The following CEP85 variants were observed in gnomAD, a reference collection of about 807,000 sequenced individuals.
The protein encoded by CEP85 is centrosomal protein 85.
In CEP85, 58 loss-of-function variants were observed where a neutral mutation model predicts 93.7. The observed-to-expected ratio is 0.62, with a 90% CI of 0.50 to 0.77. The LOEUF (loss-of-function observed/expected upper bound fraction) is 0.77. Ranked by LOEUF, CEP85 falls within the 30% of genes least tolerant of loss-of-function variation. CEP85 has a pLI of 0.00. For synonymous variants in CEP85, 314 were observed against 338.6 expected, an observed-to-expected ratio of 0.93 and a Z score of 0.80; for missense variants, 868 against 922.0, an observed-to-expected ratio of 0.94 and a Z score of 0.76.
chr1:26,255,608 A>G lies in CEP85; in HGVS notation c.646A>G (p.Lys216Glu), dbSNP rs779326361. ...RFHNPRTSTS[K>E]ELYRVLPEAK... ...CCACAACCCAAGAACCAGCACAAGT[A>G]AGGAGTTGTACAGAGTGTTGCCTGA... The change falls in exon 4 of 14, where the codon AAG (lysine) becomes GAG (glutamate). Residue 216 changes from lysine to glutamate, a missense_variant. Physicochemically the swap from Lys to Glu is moderately conservative, Grantham distance 56. Coordinates refer to ENST00000451429, the MANE Select transcript of CEP85 (RefSeq NM_001319944.2). The G allele has an allele frequency of 4.3e-6, 7 of 1,613,970 alleles. No homozygotes were observed. In the East Asian group the frequency reaches 1.3e-4, roughly 31 times the overall value.
intron 3 of CEP85, among the ~76,000 whole-genome samples, chr1:26,251,443 G>A (rs1441538807): frequency 1.3e-5 from 2 of 151,710 alleles, no homozygotes; most frequent in African/African-American, 2.4e-5. Flanking sequence ...TGGAGACAGG[G>A]TTTCTCCACG....
At chr1:26,274,831 G>C (rs1421313457) in intron 11 of CEP85, 133 bp from the exon 12 acceptor site, 3 of 678,946 alleles carry the variant, frequency 4.4e-6, no homozygotes, top group African/African-American at 3.6e-5. Flanking sequence ...AATCAGGACT[G>C]TTCTAAAATG....
At chr1:26,244,073 A>G (rs963000623) in intron 2 of CEP85, 93 bp from the exon 3 acceptor site, 2 of 1,136,900 alleles carry the variant, frequency 1.8e-6, no homozygotes, top group Non-Finnish European at 2.5e-6. Flanking sequence ...GGTTGCTGCT[A>G]TTCTCTTAGG....
rs575636171 is a variant in CEP85 at position 26,268,375 on chromosome 1, T to C, written c.1342-108T>C. ...CCAGGGGCTGAGGTAGGAGGATCAC[T>C]TGAGCCTGGGAGGTGGAGGCTGCAG... On this transcript the variant is annotated intron_variant, in intron 7 of 13. Transcript: ENST00000451429. The C allele has an allele frequency of 1.1e-5, 14 of 1,276,968 alleles. No individual in the cohort carries two copies. In the East Asian group the frequency reaches 2.4e-4, roughly 22 times the overall value. The allele number at this position is 1,276,968 out of a possible 1,614,324, so 79.1% of individuals were successfully genotyped here. A position where few individuals can be genotyped will look rare whatever the true frequency, so the allele number is the denominator to read the frequency against.
intron 7 of CEP85, among the ~76,000 whole-genome samples, chr1:26,264,621 G>A (rs2089864998): frequency 6.6e-6 from 1 of 152,154 alleles, no homozygotes; most frequent in African/African-American, 2.4e-5. Context: ...TGTAGTATCA[G>A]ACTTAGACTA....
intron 2 of CEP85, among the ~76,000 whole-genome samples, 175 bp from the exon 3 acceptor site, chr1:26,243,991 C>CAAAAAA (rs58751883): frequency 3.7e-5 from 4 of 108,322 alleles, no homozygotes; most frequent in African/African-American, 1.2e-4. Context: ...GACTCCGTCT[C>CAAAAAA]AAAAAAAAAA....
At chr1:26,253,449 G>A (rs910942565) in intron 3 of CEP85, among the ~76,000 whole-genome samples, 2 of 148,266 alleles carry the variant, frequency 1.3e-5, no homozygotes, top group Non-Finnish European at 3.0e-5. Flanking sequence ...GAGTGCAGTA[G>A]TGCGATCCTG....
chr1:26,263,309 C>A, intron 7 of CEP85: 1 of 334,866 alleles, frequency 3.0e-6, no homozygotes, highest in South Asian at 2.9e-5. Flanking sequence ...CTCCTCTGTT[C>A]ATCAGGGCTT....
intron 1 of CEP85, among the ~76,000 whole-genome samples, chr1:26,235,899 A>T (rs1018444884): frequency 9.9e-5 from 15 of 152,188 alleles, no homozygotes; most frequent in African/African-American, 3.4e-4. Flanking sequence ...CTTATAGGGG[A>T]AAAATACTTA....
At chr1:26,267,657 T>C (rs2089912496) in intron 7 of CEP85, among the ~76,000 whole-genome samples, 1 of 152,202 alleles carries the variant, frequency 6.6e-6, no homozygotes, top group Non-Finnish European at 1.5e-5. Flanking sequence ...TGCCCTCTCC[T>C]TGTGGAATAA....
intron 7 of CEP85, among the ~76,000 whole-genome samples, chr1:26,260,427 G>A (rs1385394344): frequency 1.3e-5 from 2 of 151,600 alleles, no homozygotes; most frequent in African/African-American, 2.4e-5. Context: ...GGAGACAGAG[G>A]TTGCAGTGAA....
At chr1:26,242,887 G>A (rs2089449840) in intron 2 of CEP85, among the ~76,000 whole-genome samples, 1 of 152,256 alleles carries the variant, frequency 6.6e-6, no homozygotes, top group East Asian at 1.9e-4. Context: ...GTCTTTGCTA[G>A]AATGTTAGTG....
At chr1:26,271,328 A>G (rs2089971799) in intron 10 of CEP85, 1 of 463,148 alleles carries the variant, frequency 2.2e-6, no homozygotes, top group East Asian at 4.0e-5. Flanking sequence ...GGCAAAAGTA[A>G]GAGGAGGGGT....
rs759309280 is a variant in CEP85 at position 26,276,614 on chromosome 1, C to T, written c.1982C>T (p.Pro661Leu). The change falls in exon 13 of 14, where the codon CCA becomes CTA. Residue 661 changes from proline (P) to leucine (L), a missense_variant. By Grantham distance (98) the Pro-to-Leu change is moderately conservative. Transcript: ENST00000451429. ...CTGCGCCAGGCCCAACCAGGGTCTC[C>T]ACCTTCACCAGACACGGCCCAGCTG... ...EHLRQAQPGS[P>L]PSPDTAQLAL... 1.9e-6 allele frequency: 3 copies of T among 1,614,218 alleles called. No homozygotes were observed. The highest frequency in any genetic ancestry group is 2.5e-6 in the Non-Finnish European group (3 of 1,180,032).
chr1:26,258,324 C>A (rs1401462741), intron 6 of CEP85, 64 bp downstream of exon 6: 3 of 1,015,196 alleles, frequency 3.0e-6, no homozygotes, highest in Non-Finnish European at 4.7e-6. Flanking sequence ...CTATGCTTGA[C>A]ACCATTAGGT....
At chr1:26,256,088 A>C (rs2089695682) in intron 4 of CEP85, among the ~76,000 whole-genome samples, 1 of 152,214 alleles carries the variant, frequency 6.6e-6, no homozygotes, top group Non-Finnish European at 1.5e-5. Context: ...TTACAAAGGA[A>C]AACCTAAAAA....
chr1:26,244,117 G>C, intron 2 of CEP85, 49 bp from the exon 3 acceptor site: 1 of 1,575,918 alleles, frequency 6.3e-7, no homozygotes, highest in Non-Finnish European at 8.7e-7. Flanking sequence ...ATCTGATGGG[G>C]TTACATCAGC....
intron 3 of CEP85, among the ~76,000 whole-genome samples, chr1:26,250,340 T>C (rs1009816543): frequency 6.6e-6 from 1 of 152,212 alleles, no homozygotes; most frequent in African/African-American, 2.4e-5. Flanking sequence ...TATTGTGAAC[T>C]GTGCATGTGA....
intron 3 of CEP85, among the ~76,000 whole-genome samples, chr1:26,254,166 G>T (rs2089660539): frequency 6.6e-6 from 1 of 152,090 alleles, no homozygotes; most frequent in Non-Finnish European, 1.5e-5. Flanking sequence ...CTTGATTTGG[G>T]AACGAGTACT....
Sources: allele counts gnomAD v4.1 joint callset (sites outside exome capture counted in the v4.1 genomes callset), GRCh38; gene constraint gnomAD v4.1.1; transcripts MANE v1.5; gene names NCBI Gene and HGNC (gene_info 2026-07-23, HGNC 2026-07-21).